FSTL5: variants seen among roughly 807,000 people sequenced by gnomAD.
FSTL5 encodes follistatin like 5, also known as follistatin-related protein 5.
FSTL5 carries 62 observed loss-of-function variants against 89.1 expected under a neutral mutation model. That is an observed-to-expected ratio of 0.70 (90% confidence interval 0.57 to 0.86). FSTL5 has a LOEUF of 0.86. Ranked by LOEUF, FSTL5 falls within the 40% of genes least tolerant of loss-of-function variation. FSTL5 has a pLI of 0.00. For synonymous variants in FSTL5, 383 were observed against 346.2 expected, an observed-to-expected ratio of 1.11 and a Z score of -1.18; for missense variants, 1,057 against 1,001.6, an observed-to-expected ratio of 1.06 and a Z score of -0.75.
chr4:161,779,801 A>ATATATG (rs796455365), intron 4 of FSTL5, among the ~76,000 whole-genome samples: 4 of 46,410 alleles, frequency 8.6e-5, no homozygotes, highest in Non-Finnish European at 1.4e-4. Flanking sequence ...ATATATATAT[A>ATATATG]TATATATATG....
At chr4:161,974,856 G>C (rs1735587988) in intron 3 of FSTL5, among the ~76,000 whole-genome samples, 1 of 151,650 alleles carries the variant, frequency 6.6e-6, no homozygotes, top group South Asian at 2.1e-4. Flanking sequence ...CTACTCATCT[G>C]ACAAAGGGCT....
chr4:162,083,591 G>A (rs1730187613), intron 2 of FSTL5, among the ~76,000 whole-genome samples: 1 of 151,722 alleles, frequency 6.6e-6, no homozygotes, highest in African/African-American at 2.4e-5. Context: ...TGGAAAACAA[G>A]ATTTTCAACT....
chr4:162,103,397 C>A (rs1420898534), intron 2 of FSTL5, among the ~76,000 whole-genome samples: 2 of 152,112 alleles, frequency 1.3e-5, no homozygotes, highest in Non-Finnish European at 2.9e-5. Context: ...TTAGCTTTGG[C>A]CTTAAGCAAA....
At chr4:161,494,693 G>T (rs1290478092) in intron 12 of FSTL5, among the ~76,000 whole-genome samples, 1 of 152,110 alleles carries the variant, frequency 6.6e-6, no homozygotes, top group Non-Finnish European at 1.5e-5. Flanking sequence ...TTTTAGAGGA[G>T]ACTTACATCA....
At chr4:161,506,099 A>G (rs1384385904) in intron 11 of FSTL5, among the ~76,000 whole-genome samples, 1 of 151,938 alleles carries the variant, frequency 6.6e-6, no homozygotes, top group Non-Finnish European at 1.5e-5. Context: ...TCTGTCCCTC[A>G]GTTTGGACAG....
At chr4:161,964,365 C>T (rs17041791) in intron 3 of FSTL5, among the ~76,000 whole-genome samples, 1,523 of 152,064 alleles carry the variant, frequency 0.01, 25 homozygotes, top group African/African-American at 0.034. Flanking sequence ...CTCCATAGAG[C>T]GGTGCAGCAG....
intron 7 of FSTL5, among the ~76,000 whole-genome samples, chr4:161,639,752 G>T (rs1735879750): frequency 6.6e-6 from 1 of 152,124 alleles, no homozygotes; most frequent in Non-Finnish European, 1.5e-5. Context: ...CAAGCAGCTT[G>T]CACACAGCTT....
At chr4:161,540,809 C>T (rs900022035) in intron 9 of FSTL5, among the ~76,000 whole-genome samples, 9 of 152,064 alleles carry the variant, frequency 5.9e-5, no homozygotes, top group African/African-American at 1.4e-4. Context: ...TTCTAAATGT[C>T]GCAAGAACAT....
At chr4:161,721,349 A>T (rs141417868) in intron 6 of FSTL5, among the ~76,000 whole-genome samples, 280 of 151,650 alleles carry the variant, frequency 1.8e-3, no homozygotes, top group African/African-American at 6.4e-3. Flanking sequence ...TGTTCCTATC[A>T]CAAAAGGTTT....
At chr4:161,594,356 C>A (rs1044107210) in intron 7 of FSTL5, among the ~76,000 whole-genome samples, 2 of 151,966 alleles carry the variant, frequency 1.3e-5, no homozygotes, top group African/African-American at 2.4e-5. Context: ...TCAGATAATT[C>A]TTTTAAAATT....
intron 2 of FSTL5, among the ~76,000 whole-genome samples, chr4:162,066,406 T>C (rs543420372): frequency 7.2e-4 from 106 of 147,554 alleles, no homozygotes; most frequent in Non-Finnish European, 1.3e-3. Flanking sequence ...CTTTTTTTTT[T>C]CAGTTTTTCA....
chr4:161,420,273 GA>G (rs1194041833), intron 15 of FSTL5, among the ~76,000 whole-genome samples: 2 of 152,216 alleles, frequency 1.3e-5, no homozygotes, highest in Non-Finnish European at 2.9e-5. Context: ...AGTAGTGGAA[GA>G]AGGTAGTTAT....
intron 2 of FSTL5, among the ~76,000 whole-genome samples, chr4:162,091,783 TA>T (rs891468264): frequency 4.6e-5 from 7 of 151,848 alleles, no homozygotes; most frequent in Middle Eastern, 3.4e-3. Flanking sequence ...ACGGCATCCA[TA>T]AAAAAAATTA....
At chr4:161,890,807 A>G (rs570759660) in intron 4 of FSTL5, among the ~76,000 whole-genome samples, 39 of 152,240 alleles carry the variant, frequency 2.6e-4, no homozygotes, top group African/African-American at 8.9e-4. Context: ...AATTCAGTTA[A>G]TGAAAACCAT....
intron 13 of FSTL5, among the ~76,000 whole-genome samples, chr4:161,470,354 A>T (rs1254617479): frequency 1.3e-5 from 2 of 151,728 alleles, no homozygotes; most frequent in African/African-American, 2.4e-5. Flanking sequence ...AAAGACTGCC[A>T]TTGCCCCACT....
chr4:161,591,547 A>G (rs1046548403), intron 7 of FSTL5, among the ~76,000 whole-genome samples: 3 of 152,210 alleles, frequency 2.0e-5, no homozygotes, highest in Non-Finnish European at 4.4e-5. Context: ...GCCATAATAA[A>G]ACTATATATA....
At chr4:161,719,495 G>C (rs1252132374) in intron 6 of FSTL5, among the ~76,000 whole-genome samples, 1 of 152,094 alleles carries the variant, frequency 6.6e-6, no homozygotes, top group Non-Finnish European at 1.5e-5. Context: ...TTTTAGAATA[G>C]TGTTTTCTAT....
chr4:162,043,740 T>A (rs570202506), intron 2 of FSTL5, among the ~76,000 whole-genome samples: 1 of 152,216 alleles, frequency 6.6e-6, no homozygotes. Flanking sequence ...ACTACGTTTA[T>A]GTAATATTCT....
At chr4:161,817,908 G>GC (rs1730376433) in intron 4 of FSTL5, among the ~76,000 whole-genome samples, 1 of 151,866 alleles carries the variant, frequency 6.6e-6, no homozygotes, top group Non-Finnish European at 1.5e-5. Context: ...GAGTTGGGAG[G>GC]GAAAGGGAAG....
Sources: allele counts gnomAD v4.1 joint callset (sites outside exome capture counted in the v4.1 genomes callset), GRCh38; gene constraint gnomAD v4.1.1; transcripts MANE v1.5; gene names NCBI Gene and HGNC (gene_info 2026-07-23, HGNC 2026-07-21).